WDR7: variants seen among roughly 807,000 people sequenced by gnomAD.
The protein encoded by WDR7 is WD repeat-containing protein 7.
WDR7 carries 46 observed loss-of-function variants against 169.4 expected under a neutral mutation model. The observed-to-expected ratio is 0.27, with a 90% CI of 0.21 to 0.35. WDR7 has a LOEUF of 0.35. Among genes scored for constraint, WDR7 ranks in the 10% least tolerant of loss-of-function variants. The probability of loss-of-function intolerance (pLI) is 1.00; values close to 1 mark genes in which losing one functional copy is unlikely to be tolerated. For synonymous variants in WDR7, 612 were observed against 666.8 expected, an observed-to-expected ratio of 0.92 and a Z score of 1.27; for missense variants, 1,534 against 1,859.3, an observed-to-expected ratio of 0.83 and a Z score of 3.22.
rs750500451 is a variant in WDR7, at chr18:56,672,542, C to T, written c.27C>T (p.Pro9=). The change falls in exon 2 of 28, where the codon CCC becomes CCT. Residue 9 remains proline, a synonymous_variant. Coordinates refer to ENST00000254442, the MANE Select transcript of WDR7 (RefSeq NM_015285.3). MAGNSLVL[P]IVLWGRKAPT... is the part of the protein sequence containing the mutation. ...TGGCAGGAAACAGCCTTGTTCTACCCATTGTTCTTTGGGGTCGAAAAGCGC... is the reference window on the plus strand; with the variant it reads ...TGGCAGGAAACAGCCTTGTTCTACCTATTGTTCTTTGGGGTCGAAAAGCGC... 11 of 1,605,730 alleles carry T rather than the reference C, an allele frequency of 6.9e-6. No individual in the cohort carries two copies. The highest frequency in any genetic ancestry group is 9.4e-6 in the Non-Finnish European group (11 of 1,175,802).
intron 3 of WDR7, among the ~76,000 whole-genome samples, chr18:56,679,754 T>G (rs777540911): frequency 2.2e-4 from 34 of 152,174 alleles, no homozygotes; most frequent in Non-Finnish European, 1.2e-4. Context: ...CCAGACAACT[T>G]TGAGATTTCC....
intron 20 of WDR7, among the ~76,000 whole-genome samples, chr18:56,848,008 G>A (rs1322981229): frequency 2.6e-5 from 4 of 152,220 alleles, no homozygotes; most frequent in African/African-American, 9.6e-5. Context: ...GTAGGAAAGG[G>A]GCCACCACTG....
intron 20 of WDR7, among the ~76,000 whole-genome samples, chr18:56,821,083 C>T (rs2045086761): frequency 6.6e-6 from 1 of 152,128 alleles, no homozygotes; most frequent in South Asian, 2.1e-4. Flanking sequence ...TACTTTACTG[C>T]CAGACACTGT....
intron 20 of WDR7, among the ~76,000 whole-genome samples, chr18:56,825,531 AC>A (rs1386807176): frequency 6.6e-6 from 1 of 152,212 alleles, no homozygotes; most frequent in Non-Finnish European, 1.5e-5. Flanking sequence ...TGGTAAAGTT[AC>A]TTGCCACATA....
chr18:56,913,059 A>G (rs2046574481), intron 21 of WDR7, among the ~76,000 whole-genome samples: 1 of 151,772 alleles, frequency 6.6e-6, no homozygotes. Flanking sequence ...TTTTTTGTAG[A>G]GACAGGGTCT....
At chr18:56,749,926 AATG>A (rs1290265796) in intron 14 of WDR7, among the ~76,000 whole-genome samples, 3 of 149,690 alleles carry the variant, frequency 2.0e-5, no homozygotes, top group Admixed American at 6.6e-5. Flanking sequence ...AATATATAAT[AATG>A]ATAAGGATTC....
At chr18:56,836,153 A>G (rs1020342139) in intron 20 of WDR7, among the ~76,000 whole-genome samples, 1 of 152,238 alleles carries the variant, frequency 6.6e-6, no homozygotes, top group Non-Finnish European at 1.5e-5. Context: ...CCAAACTTAC[A>G]CAGATATTTT....
intron 26 of WDR7, among the ~76,000 whole-genome samples, chr18:57,005,243 T>TA (rs2048039350): frequency 6.6e-6 from 1 of 152,160 alleles, no homozygotes; most frequent in African/African-American, 2.4e-5. Context: ...TAAAAGCAAC[T>TA]AAATGTATGT....
At chr18:56,779,362 A>C in intron 17 of WDR7, 69 bp from the exon 18 acceptor site, 2 of 1,259,308 alleles carry the variant, frequency 1.6e-6, no homozygotes, top group East Asian at 4.9e-5. Context: ...GTATACTTAC[A>C]TAAAGAACTG....
At chr18:56,841,856 C>G (rs2045491429) in intron 20 of WDR7, among the ~76,000 whole-genome samples, 2 of 152,118 alleles carry the variant, frequency 1.3e-5, no homozygotes, top group Non-Finnish European at 2.9e-5. Flanking sequence ...TTACATTTCT[C>G]TGTATGTGTG....
chr18:56,717,644 C>T (rs969613170), intron 12 of WDR7, among the ~76,000 whole-genome samples: 8 of 152,160 alleles, frequency 5.3e-5, no homozygotes, highest in African/African-American at 1.4e-4. Flanking sequence ...CACCTAATAA[C>T]AGATCAATTT....
At chr18:56,936,545 A>G (rs746578996) in intron 23 of WDR7, among the ~76,000 whole-genome samples, 21 of 152,198 alleles carry the variant, frequency 1.4e-4, no homozygotes, top group Non-Finnish European at 1.8e-4. Flanking sequence ...AATAATGGGC[A>G]GACTCAGTGT....
At chr18:57,017,891 C>A (rs1178341018) in intron 26 of WDR7, among the ~76,000 whole-genome samples, 1 of 152,064 alleles carries the variant, frequency 6.6e-6, no homozygotes, top group South Asian at 2.1e-4. Flanking sequence ...ATAGAAGTAC[C>A]CTTCACGTGG....
At chr18:56,836,179 C>T (rs2045393223) in intron 20 of WDR7, among the ~76,000 whole-genome samples, 1 of 152,206 alleles carries the variant, frequency 6.6e-6, no homozygotes, top group African/African-American at 2.4e-5. Context: ...TCTCTTCCAA[C>T]TGGAGTTCGT....
At chr18:57,007,224 C>T (rs1568310850) in intron 26 of WDR7, among the ~76,000 whole-genome samples, 3 of 152,168 alleles carry the variant, frequency 2.0e-5, no homozygotes, top group Non-Finnish European at 4.4e-5. Context: ...CGTGATCCAC[C>T]CGCCTTGGCC....
intron 9 of WDR7, among the ~76,000 whole-genome samples, chr18:56,692,789 G>A (rs773309341): frequency 3.9e-5 from 6 of 152,054 alleles, no homozygotes; most frequent in Non-Finnish European, 7.3e-5. Flanking sequence ...ATTTTGTGGT[G>A]TGTTGAAATG....
At chr18:56,911,510 T>G (rs1013165591) in intron 21 of WDR7, among the ~76,000 whole-genome samples, 3 of 152,188 alleles carry the variant, frequency 2.0e-5, no homozygotes, top group Non-Finnish European at 4.4e-5. Context: ...TTTACCAACA[T>G]GTAAAACAAT....
In WDR7 at chr18:57,024,238, C is replaced by T. The variant is rs184126737; in HGVS notation, c.4270-2766C>T. 9.9e-5 allele frequency among the ~76,000 whole-genome samples: 15 copies of T among 152,216 alleles called. No homozygotes were observed. The East Asian group carries it at 2.7e-3, about 27-fold the overall frequency. On this transcript the variant is annotated intron_variant, in intron 27 of 27. Coordinates refer to ENST00000254442, the MANE Select transcript of WDR7 (RefSeq NM_015285.3). The stretch of plus-strand genomic sequence containing the variant: ...GTGAATGTTACCAAATCTCATAATT[C>T]CACATAGTTTGCATTCATTCAAGGC...
At chr18:56,821,188 G>A (rs1004462838) in intron 20 of WDR7, among the ~76,000 whole-genome samples, 1 of 152,034 alleles carries the variant, frequency 6.6e-6, no homozygotes, top group Non-Finnish European at 1.5e-5. Context: ...AGAAGAAGAA[G>A]TAAATAAATA....
Sources: gnomAD v4.1 joint callset for allele counts (sites outside exome capture counted in the v4.1 genomes callset) on GRCh38, gnomAD v4.1.1 for gene constraint, MANE v1.5 for transcripts, NCBI Gene and HGNC (gene_info 2026-07-23, HGNC 2026-07-21) for gene names.